Variants in PTPRO observed in about 807,000 individuals in gnomAD.
The protein encoded by PTPRO is protein tyrosine phosphatase receptor type O.
PTPRO carries 62 observed loss-of-function variants against 145.2 expected under a neutral mutation model. The ratio of observed to expected loss-of-function variants is 0.43; its 90% confidence interval spans 0.35 to 0.53. The LOEUF (loss-of-function observed/expected upper bound fraction) is 0.53. Among genes scored for constraint, PTPRO ranks in the 20% least tolerant of loss-of-function variants. PTPRO has a pLI of 0.01. For missense variants in PTPRO, 1,345 were observed against 1,482.7 expected, an observed-to-expected ratio of 0.91 and a Z score of 1.53; for synonymous variants, 565 against 514.7, an observed-to-expected ratio of 1.10 and a Z score of -1.32.
intron 1 of PTPRO, among the ~76,000 whole-genome samples, chr12:15,338,758 A>G (rs1866858900): frequency 6.6e-6 from 1 of 152,214 alleles, no homozygotes; most frequent in African/African-American, 2.4e-5. Context: ...TGAACAAAAT[A>G]GAAAGTATAA....
intron 1 of PTPRO, among the ~76,000 whole-genome samples, chr12:15,338,549 G>A (rs1866850102): frequency 6.6e-6 from 1 of 152,084 alleles, no homozygotes; most frequent in Admixed American, 6.6e-5. Flanking sequence ...TTCTTGAAAG[G>A]ACCAATCATT....
chr12:15,432,795 G>A (rs1295334591), intron 1 of PTPRO, among the ~76,000 whole-genome samples: 1 of 152,176 alleles, frequency 6.6e-6, no homozygotes, highest in East Asian at 1.9e-4. Context: ...CCTAATGCAT[G>A]TCTTCTATAG....
At chr12:15,427,984 T>C (rs1282292923) in intron 1 of PTPRO, among the ~76,000 whole-genome samples, 1 of 152,200 alleles carries the variant, frequency 6.6e-6, no homozygotes, top group African/African-American at 2.4e-5. Context: ...GGTTTATCAA[T>C]GTAGGTAACT....
At chr12:15,520,368 A>G in intron 10 of PTPRO, 56 bp downstream of exon 10, 1 of 1,353,866 alleles carries the variant, frequency 7.4e-7, no homozygotes, top group Non-Finnish European at 1.1e-6. Flanking sequence ...GTGAGGAGTT[A>G]CCAAGGTTCC....
chr12:15,490,610 C>T, intron 2 of PTPRO, among the ~76,000 whole-genome samples: 1 of 152,128 alleles, frequency 6.6e-6, no homozygotes, highest in Middle Eastern at 3.2e-3. Flanking sequence ...GTAGTTTGCT[C>T]ACTTGATCTG....
At chr12:15,437,530 A>G (rs1275515151) in intron 1 of PTPRO, among the ~76,000 whole-genome samples, 1 of 152,138 alleles carries the variant, frequency 6.6e-6, no homozygotes, top group Admixed American at 6.5e-5. Flanking sequence ...CCATTTATGG[A>G]CATAGATCAT....
chr12:15,519,304 C>T (rs1942664287), intron 9 of PTPRO, among the ~76,000 whole-genome samples: 2 of 152,210 alleles, frequency 1.3e-5, no homozygotes, highest in Admixed American at 1.3e-4. Flanking sequence ...CCCACTGGGC[C>T]CCTCCCACAA....
chr12:15,569,453 G>T lies in PTPRO; in HGVS notation c.2784G>T (p.Lys928Asn). The stretch of plus-strand genomic sequence containing the variant: ...TGGATGACTTTGATGCCTATATTAA[G>T]GATATGGCCAAAGACTCTGACTATA... The part of the protein sequence containing the change: ...VQLDDFDAYI[K>N]DMAKDSDYKF... Residue 928 changes from lysine to asparagine, a missense_variant, in exon 19 of 27, where the codon AAG becomes AAT. Physicochemically the swap from Lys to Asn is moderately conservative, Grantham distance 94. This residue lies in a region of PTPRO where 1,130 missense variants were observed against 1,214.7 expected (regional missense o/e 0.93). Coordinates refer to ENST00000281171, the MANE Select transcript of PTPRO (RefSeq NM_030667.3). The T allele has an allele frequency of 6.2e-7, 1 of 1,613,796 alleles. No homozygotes were observed. The highest frequency in any genetic ancestry group is 8.5e-7 in the Non-Finnish European group (1 of 1,179,782).
chr12:15,359,856 G>T (rs563352977), intron 1 of PTPRO, among the ~76,000 whole-genome samples: 149 of 152,234 alleles, frequency 9.8e-4, no homozygotes, highest in Middle Eastern at 3.4e-3. Context: ...CATGTAGTTT[G>T]TCTTTCTATC....
chr12:15,594,706 A>C (rs1944622544), intron 25 of PTPRO, among the ~76,000 whole-genome samples: 1 of 152,080 alleles, frequency 6.6e-6, no homozygotes, highest in Admixed American at 6.5e-5. Context: ...AGTTAGGGGA[A>C]AAAAATTCCA....
chr12:15,463,983 A>G (rs1311029275), intron 1 of PTPRO, among the ~76,000 whole-genome samples: 1 of 152,204 alleles, frequency 6.6e-6, no homozygotes, highest in Non-Finnish European at 1.5e-5. Flanking sequence ...CCAAACAGTA[A>G]AGTACTATGC....
At chr12:15,416,514 T>C (rs546702475) in intron 1 of PTPRO, among the ~76,000 whole-genome samples, 2 of 151,102 alleles carry the variant, frequency 1.3e-5, no homozygotes, top group Non-Finnish European at 2.9e-5. Flanking sequence ...AGAGACGGGG[T>C]TTCACCATGT....
intron 1 of PTPRO, among the ~76,000 whole-genome samples, chr12:15,391,814 G>C (rs1399869319): frequency 6.6e-6 from 1 of 152,164 alleles, no homozygotes; most frequent in East Asian, 1.9e-4. Context: ...TGTGGGGATG[G>C]GGAGCACAGA....
Position 15,433,365 on chromosome 12 carries a change from A to G in PTPRO, c.76-50609A>G, listed in dbSNP as rs575893093. Reference sequence around the variant, plus strand: ...TAACTTTTTGTATTTGTATTTTTTTAGTAGAGACAGGGTTTCACCGTGTTA... The same window carrying G: ...TAACTTTTTGTATTTGTATTTTTTTGGTAGAGACAGGGTTTCACCGTGTTA... On this transcript the variant is annotated intron_variant, in intron 1 of 26. Coordinates refer to ENST00000281171, the MANE Select transcript of PTPRO (RefSeq NM_030667.3). 6.8e-4 allele frequency among the ~76,000 whole-genome samples: 104 copies of G among 152,096 alleles called. 1 individual carries two copies. The highest frequency in any genetic ancestry group is 2.4e-3 in the African/African-American group (101 of 41,512).
intron 1 of PTPRO, among the ~76,000 whole-genome samples, chr12:15,469,361 A>G (rs960096228): frequency 6.6e-6 from 1 of 152,218 alleles, no homozygotes; most frequent in African/African-American, 2.4e-5. Context: ...GGCAGAATGA[A>G]CCTGTTAGGA....
intron 18 of PTPRO, among the ~76,000 whole-genome samples, chr12:15,566,565 G>A (rs1246325372): frequency 6.6e-6 from 1 of 151,812 alleles, no homozygotes; most frequent in Non-Finnish European, 1.5e-5. Flanking sequence ...CTGTCACCCA[G>A]GCTGGAGTGC....
At chr12:15,400,421 C>G (rs182916660) in intron 1 of PTPRO, among the ~76,000 whole-genome samples, 66 of 152,330 alleles carry the variant, frequency 4.3e-4, no homozygotes, top group African/African-American at 1.6e-3. Context: ...TTTAGTCAAT[C>G]TCACCGTCAT....
intron 1 of PTPRO, among the ~76,000 whole-genome samples, chr12:15,342,978 G>A (rs1411487976): frequency 2.6e-5 from 4 of 152,038 alleles, no homozygotes; most frequent in Non-Finnish European, 5.9e-5. Context: ...TTAGGCACAA[G>A]CTGGGATCTC....
At chr12:15,334,043 G>A (rs925650411) in intron 1 of PTPRO, among the ~76,000 whole-genome samples, 1 of 152,074 alleles carries the variant, frequency 6.6e-6, no homozygotes, top group Non-Finnish European at 1.5e-5. Context: ...GAAACTTAAT[G>A]TGTAAATCTT....
Sources: gnomAD v4.1 joint callset for allele counts (sites outside exome capture counted in the v4.1 genomes callset) on GRCh38, gnomAD v4.1.1 for gene constraint, gnomAD v4.1.1 regional missense constraint, MANE v1.5 for transcripts, NCBI Gene and HGNC (gene_info 2026-07-23, HGNC 2026-07-21) for gene names.